The following SFTPC variants were observed in gnomAD, a reference collection of about 807,000 sequenced individuals.
SFTPC encodes the protein surfactant protein C.
Under a neutral mutation model 19.9 loss-of-function variants are expected in SFTPC, and 12 were observed. That is an observed-to-expected ratio of 0.60 (90% CI 0.39 to 0.98). The LOEUF is 0.98. Among genes scored for constraint, SFTPC ranks in the 50% least tolerant of loss-of-function variants. The probability of loss-of-function intolerance (pLI) is 0.00; values close to 1 mark genes in which losing one functional copy is unlikely to be tolerated. For missense variants in SFTPC, 219 were observed against 252.2 expected (o/e 0.87, Z 0.89); for synonymous variants, 123 against 103.3 (o/e 1.19, Z -1.16).
upstream of SFTPC, chr8:22,159,135 T>C (rs771126856): frequency 7.9e-5 from 12 of 152,346 alleles, no homozygotes; most frequent in African/African-American, 1.2e-4. Context: ...AGGTGGAAGG[T>C]CAGATGCACT....
At chr8:22,161,660 C>G (rs1827724408), upstream of SFTPC, 1 of 1,592,742 alleles carries the variant, frequency 6.3e-7, no homozygotes. Context: ...GGGGGCTTAT[C>G]TGGGCTTCGG....
At chr8:22,161,715 G>A, upstream of SFTPC, 2 of 1,610,364 alleles carry the variant, frequency 1.2e-6, no homozygotes, top group Non-Finnish European at 1.7e-6. Context: ...CAAGGGCTTG[G>A]CTGGCACACA....
upstream of SFTPC, among the ~76,000 whole-genome samples, chr8:22,160,985 G>C (rs1446037763): frequency 6.6e-6 from 1 of 152,122 alleles, no homozygotes; most frequent in African/African-American, 2.4e-5. Flanking sequence ...TTCGAGGATG[G>C]GGAGACTGGG....
In SFTPC at chr8:22,163,260, CCCAGCTGGGCCACTTCATCCACAT is replaced by C. The variant is rs763934776; in HGVS notation, c.324+62_324+85del. The C allele has an allele frequency of 1.4e-5, 22 of 1,608,842 alleles. No homozygotes were observed. In the East Asian group the frequency reaches 4.7e-4, roughly 34 times the overall value. The stretch of plus-strand genomic sequence containing the variant: ...CAATGACAAGGCTCTGCTAGAGCCA[CCCAGCTGGGCCACTTCATCCACAT>C]CCATCTCTCCCTCTCCTCCAGACCT... On this transcript the variant is annotated intron_variant, in intron 3 of 5. Transcript: ENST00000679463.
chr8:22,158,405 A>G (rs1356451842), upstream of SFTPC, among the ~76,000 whole-genome samples: 2 of 152,216 alleles, frequency 1.3e-5, no homozygotes, highest in Non-Finnish European at 2.9e-5. Context: ...GGCTCTGCCC[A>G]GTACACAAAG....
intron 1 of SFTPC, 87 bp from the exon 2 acceptor site, chr8:22,162,487 C>G: frequency 6.8e-7 from 1 of 1,473,364 alleles, no homozygotes; most frequent in East Asian, 2.3e-5. Flanking sequence ...CCTAGGCAGC[C>G]GTGGGAGGGT....
intron 2 of SFTPC, 135 bp downstream of exon 2, chr8:22,162,867 C>A: frequency 1.5e-6 from 2 of 1,374,510 alleles, no homozygotes; most frequent in South Asian, 2.3e-5. Flanking sequence ...GAAAGAGGCA[C>A]GAACCAGGCA....
chr8:22,158,231 A>C (rs1827572856), upstream of SFTPC, among the ~76,000 whole-genome samples: 1 of 152,156 alleles, frequency 6.6e-6, no homozygotes, highest in Admixed American at 6.5e-5. Flanking sequence ...CTCTGGTCTG[A>C]GCTTAAGTTG....
rs377655715 is a variant in SFTPC, at chr8:22,163,178, C to T, written c.300C>T (p.Gly100=). Reference sequence around the variant, plus strand: ...CCACCTTCTCCATCGGCTCCACTGGCCTCGTGGTGTATGACTACCAGCAGG... The same window carrying T: ...CCACCTTCTCCATCGGCTCCACTGGTCTCGTGGTGTATGACTACCAGCAGG... ...TTATFSIGST[G]LVVYDYQQLL... Residue 100 remains glycine (G), a synonymous_variant, in exon 3 of 6, where the codon GGC becomes GGT. Transcript: ENST00000679463. 1.1e-5 allele frequency: 17 copies of T among 1,614,088 alleles called. No homozygotes were observed. Among genetic ancestry groups the T allele is most frequent in the Middle Eastern group, 1.6e-4 (1 of 6,084 alleles).
intron 1 of SFTPC, 64 bp from the exon 2 acceptor site, chr8:22,162,510 T>G: frequency 6.3e-7 from 1 of 1,579,028 alleles, no homozygotes; most frequent in Non-Finnish European, 8.7e-7. Flanking sequence ...TCAGCTTGTA[T>G]AGGGAGAAGA....
intron 5 of SFTPC, 53 bp downstream of exon 5, chr8:22,164,112 C>CCGGG: frequency 6.2e-7 from 1 of 1,608,370 alleles, no homozygotes; most frequent in Non-Finnish European, 8.5e-7. Context: ...GGCCACCTGC[C>CCGGG]CGGGCTGTGG....
upstream of SFTPC, chr8:22,159,911 C>T (rs1227119696): frequency 3.5e-6 from 4 of 1,149,978 alleles, no homozygotes; most frequent in African/African-American, 4.8e-5. Flanking sequence ...GGAGTAAGGG[C>T]CCTGGGGGAG....
intron 2 of SFTPC, 121 bp downstream of exon 2, chr8:22,162,853 G>A: frequency 7.0e-7 from 1 of 1,423,982 alleles, no homozygotes; most frequent in Non-Finnish European, 9.8e-7. Context: ...GGCACAGCTA[G>A]AAGGAAAGAG....
At chr8:22,159,692 C>A, upstream of SFTPC, 1 of 936,010 alleles carries the variant, frequency 1.1e-6, no homozygotes, top group Non-Finnish European at 1.5e-6. Context: ...GATCCCTCTC[C>A]CAGCACCCAG....
intron 2 of SFTPC, 92 bp from the exon 3 acceptor site, chr8:22,162,988 C>G: frequency 6.4e-7 from 1 of 1,557,826 alleles, no homozygotes. Context: ...AAGAGGGAAG[C>G]GCATTTGAGT....
chr8:22,157,735 C>T (rs1348723395), upstream of SFTPC: 2 of 152,168 alleles, frequency 1.3e-5, no homozygotes, highest in African/African-American at 4.8e-5. Flanking sequence ...TTCTATGAAG[C>T]TCCAAATTTA....
At chr8:22,160,022 C>T (rs765723260), upstream of SFTPC, among the ~76,000 whole-genome samples, 4 of 152,214 alleles carry the variant, frequency 2.6e-5, no homozygotes, top group African/African-American at 9.6e-5. Context: ...CCCCTCCTCC[C>T]GGCACCCCTC....
chr8:22,159,347 G>A (rs1827623427), upstream of SFTPC: 1 of 193,398 alleles, frequency 5.2e-6, no homozygotes, highest in African/African-American at 2.4e-5. Context: ...ATTGGAGGTG[G>A]GCTTTCACAG....
upstream of SFTPC, chr8:22,159,488 T>G (rs1827630319): frequency 6.0e-6 from 2 of 335,294 alleles, no homozygotes; most frequent in Non-Finnish European, 5.9e-6. Flanking sequence ...CCCAAGACCT[T>G]CACTTGGTTG....
Sources: gnomAD v4.1 joint callset for allele counts (sites outside exome capture counted in the v4.1 genomes callset) on GRCh38, gnomAD v4.1.1 for gene constraint, MANE v1.5 for transcripts, NCBI Gene and HGNC (gene_info 2026-07-23, HGNC 2026-07-21) for gene names.